NCK2: variants seen among roughly 807,000 people sequenced by gnomAD.
NCK2 encodes the protein NCK adaptor protein 2, also known as cytoplasmic protein NCK2.
Under a neutral mutation model 33.9 loss-of-function variants are expected in NCK2, and 16 were observed. The ratio of observed to expected loss-of-function variants is 0.47; its 90% CI spans 0.32 to 0.72. NCK2 has a LOEUF of 0.72. Ranked by LOEUF, NCK2 falls within the 30% of genes least tolerant of loss-of-function variation. The pLI, the probability that NCK2 is intolerant of heterozygous loss-of-function variation, is 0.03. For synonymous variants in NCK2, 273 were observed against 239.9 expected, an observed-to-expected ratio of 1.14 and a Z score of -1.27; for missense variants, 418 against 537.3, an observed-to-expected ratio of 0.78 and a Z score of 2.19.
intron 3 of NCK2, among the ~76,000 whole-genome samples, chr2:105,880,063 G>A (rs1678409148): frequency 6.6e-6 from 1 of 152,150 alleles, no homozygotes; most frequent in Admixed American, 6.5e-5. Context: ...GAATGTTCCG[G>A]AATTCCGTGC....
intron 4 of NCK2, among the ~76,000 whole-genome samples, chr2:105,883,360 G>A (rs953755855): frequency 1.3e-5 from 2 of 152,166 alleles, no homozygotes; most frequent in African/African-American, 4.8e-5. Flanking sequence ...TAGAGAAAGC[G>A]CTGGAAAACC....
intron 1 of NCK2, among the ~76,000 whole-genome samples, chr2:105,805,756 T>C (rs908838274): frequency 2.0e-5 from 3 of 152,264 alleles, no homozygotes. Flanking sequence ...TTCATCTGCG[T>C]TATTGCAAAT....
intron 2 of NCK2, among the ~76,000 whole-genome samples, chr2:105,828,568 A>G (rs1676045614): frequency 6.6e-6 from 1 of 152,212 alleles, no homozygotes; most frequent in South Asian, 2.1e-4. Flanking sequence ...AAAACAGTAG[A>G]AGGCTCTGCA....
intron 2 of NCK2, among the ~76,000 whole-genome samples, chr2:105,832,539 C>T (rs1314555594): frequency 3.9e-5 from 6 of 152,268 alleles, no homozygotes; most frequent in African/African-American, 1.4e-4. Flanking sequence ...TGGTTTTCTA[C>T]ATTTATCGAG....
intron 1 of NCK2, among the ~76,000 whole-genome samples, chr2:105,767,440 T>C (rs2104370341): frequency 6.6e-6 from 1 of 152,306 alleles, no homozygotes; most frequent in Non-Finnish European, 1.5e-5. Context: ...GATGATACAG[T>C]AATTGATTTA....
At chr2:105,802,113 G>A (rs1674863871) in intron 1 of NCK2, among the ~76,000 whole-genome samples, 3 of 152,208 alleles carry the variant, frequency 2.0e-5, no homozygotes, top group Admixed American at 2.0e-4. Flanking sequence ...ATTTGCAGAC[G>A]ATGCATGGTT....
Position 105,881,982 on chromosome 2 carries a change from A to G in NCK2, c.881A>G (p.Gln294Arg), listed in dbSNP as rs770384522. Residue 294 changes from glutamine to arginine, a missense_variant, in exon 4 of 5, where the codon CAG (glutamine) becomes CGG (arginine). Coordinates refer to ENST00000233154, the MANE Select transcript of NCK2 (RefSeq NM_003581.5). ...TACTACGGGAACGTGACGCGGCACC[A>G]GGCCGAGTGCGCCCTCAACGAGCGG... ...EWYYGNVTRH[Q>R]AECALNERGV... 3.3e-6 allele frequency: 5 copies of G among 1,517,324 alleles called. No individual in the cohort carries two copies. The East Asian group carries it at 1.1e-4, about 35-fold the overall frequency. 94.0% of individuals were successfully genotyped at this position (1,517,324 alleles called of 1,614,324 possible).
At chr2:105,750,531 T>G (rs566151493) in intron 1 of NCK2, among the ~76,000 whole-genome samples, 3 of 152,306 alleles carry the variant, frequency 2.0e-5, no homozygotes, top group Admixed American at 2.0e-4. Flanking sequence ...TCTCTGTTTA[T>G]TTGGGGACAC....
At chr2:105,862,119 A>G (rs561618948) in intron 3 of NCK2, among the ~76,000 whole-genome samples, 1 of 152,302 alleles carries the variant, frequency 6.6e-6, no homozygotes, top group African/African-American at 2.4e-5. Flanking sequence ...ACAGCTTGCA[A>G]TTTATACAGC....
intron 4 of NCK2, among the ~76,000 whole-genome samples, chr2:105,887,643 G>A (rs187792137): frequency 2.0e-5 from 3 of 152,246 alleles, no homozygotes; most frequent in Admixed American, 1.3e-4. Flanking sequence ...GAAGAAAATC[G>A]CATTAATACA....
intron 2 of NCK2, among the ~76,000 whole-genome samples, chr2:105,822,503 A>G (rs988279881): frequency 1.3e-5 from 2 of 152,154 alleles, no homozygotes; most frequent in East Asian, 3.9e-4. Flanking sequence ...GCCCCTGTTC[A>G]GGGCGAAACA....
chr2:105,753,792 A>G (rs938945807), intron 1 of NCK2, among the ~76,000 whole-genome samples: 15 of 152,208 alleles, frequency 9.9e-5, no homozygotes, highest in African/African-American at 3.4e-4. Context: ...AGCAGGACAT[A>G]CCAAATCCTT....
chr2:105,847,446 A>T (rs1676895369), intron 2 of NCK2: 1 of 152,106 alleles, frequency 6.6e-6, no homozygotes, highest in Non-Finnish European at 1.5e-5. Flanking sequence ...TACTATAATT[A>T]CTGTTTAAGC....
intron 2 of NCK2, among the ~76,000 whole-genome samples, chr2:105,833,672 T>TG (rs1573176335): frequency 6.6e-6 from 1 of 152,010 alleles, no homozygotes; most frequent in East Asian, 2.0e-4. Context: ...TTGCATTTTT[T>TG]TGGCCTCTTT....
At chr2:105,832,746 G>A (rs192964688) in intron 2 of NCK2, among the ~76,000 whole-genome samples, 2 of 151,350 alleles carry the variant, frequency 1.3e-5, no homozygotes, top group East Asian at 1.9e-4. Flanking sequence ...TGTTCATCAG[G>A]CACATTGGCC....
chr2:105,797,025 G>C (rs999954449), intron 1 of NCK2, among the ~76,000 whole-genome samples: 8 of 152,264 alleles, frequency 5.3e-5, no homozygotes, highest in African/African-American at 1.9e-4. Flanking sequence ...TTGCAGAAAT[G>C]GATTTAGTCA....
In NCK2 at chr2:105,880,108, C is replaced by T. The variant is rs114597171; in HGVS notation, c.227-1220C>T. 2.6e-3 allele frequency among the ~76,000 whole-genome samples: 394 copies of T among 152,298 alleles called. 2 individuals are homozygous for T. Among genetic ancestry groups the T allele is most frequent in the Non-Finnish European group, 4.9e-3 (330 of 68,030 alleles). ...CAGTTAAAACATTTTTACCTTAGGG[C>T]TTTTCTAGCATTTTTCCTCATGCAC... On this transcript the variant is annotated intron_variant, in intron 3 of 4. Coordinates refer to ENST00000233154, the MANE Select transcript of NCK2 (RefSeq NM_003581.5).
At chr2:105,770,527 AATC>A (rs1690099581) in intron 1 of NCK2, among the ~76,000 whole-genome samples, 1 of 152,198 alleles carries the variant, frequency 6.6e-6, no homozygotes, top group Admixed American at 6.5e-5. Context: ...TCATATTTAA[AATC>A]ATTTTCTTAG....
intron 2 of NCK2, among the ~76,000 whole-genome samples, chr2:105,836,838 G>A (rs181355960): frequency 1.1e-3 from 164 of 152,274 alleles, no homozygotes; most frequent in African/African-American, 3.9e-3. Context: ...TCTCCAAATG[G>A]TGCCTTGCTG....
Sources: allele counts gnomAD v4.1 joint callset (sites outside exome capture counted in the v4.1 genomes callset), GRCh38; gene constraint gnomAD v4.1.1; transcripts MANE v1.5; gene names NCBI Gene and HGNC (gene_info 2026-07-23, HGNC 2026-07-21).